Variants in SLC8A1 observed in about 807,000 individuals in gnomAD.
SLC8A1 encodes sodium/calcium exchanger 1.
SLC8A1 carries 18 observed loss-of-function variants against 68.3 expected under a neutral mutation model. That is an observed-to-expected ratio of 0.26 (90% confidence interval 0.18 to 0.39). The LOEUF is 0.39. Among genes scored for constraint, SLC8A1 ranks in the 10% least tolerant of loss-of-function variants. SLC8A1 has a pLI of 1.00. For synonymous variants in SLC8A1, 475 were observed against 415.5 expected (o/e 1.14, Z -1.74); for missense variants, 985 against 1,156.7 (o/e 0.85, Z 2.15).
intron 2 of SLC8A1, among the ~76,000 whole-genome samples, chr2:40,269,198 AT>A (rs2065726317): frequency 6.6e-6 from 1 of 152,214 alleles, no homozygotes; most frequent in South Asian, 2.1e-4. Context: ...TATTATAGAA[AT>A]TATAGGACTG....
chr2:40,290,757 AACTTTCTTCTCTTTATTTC>A (rs1388598526), intron 2 of SLC8A1, among the ~76,000 whole-genome samples: 1 of 152,150 alleles, frequency 6.6e-6, no homozygotes, highest in Non-Finnish European at 1.5e-5. Context: ...GAGTAATAAC[AACTTTCTTCTCTTTATTTC>A]TTAGATGTTT....
intron 2 of SLC8A1, among the ~76,000 whole-genome samples, 174 bp downstream of exon 3, chr2:40,178,213 C>T (rs937242369): frequency 6.6e-6 from 1 of 152,182 alleles, no homozygotes. Flanking sequence ...GCGCACCTAA[C>T]GCTGGCTGAT....
At chr2:40,126,260 T>A (rs1393706637) in intron 7 of SLC8A1, among the ~76,000 whole-genome samples, 2 of 152,152 alleles carry the variant, frequency 1.3e-5, no homozygotes, top group Non-Finnish European at 2.9e-5. Context: ...TATAAAAACA[T>A]ACTTTTAAAA....
At chr2:40,469,347 T>G (rs1389484791) in intron 1 of SLC8A1, among the ~76,000 whole-genome samples, 1 of 152,122 alleles carries the variant, frequency 6.6e-6, no homozygotes, top group Non-Finnish European at 1.5e-5. Context: ...AAAAAGTGTG[T>G]GGCACTTCCC....
At chr2:40,259,974 G>C (rs893018147) in intron 2 of SLC8A1, among the ~76,000 whole-genome samples, 1 of 152,124 alleles carries the variant, frequency 6.6e-6, no homozygotes, top group African/African-American at 2.4e-5. Context: ...AATTGTATGT[G>C]TTCTATGTCT....
chr2:40,212,751 T>A (rs1166861976), intron 2 of SLC8A1, among the ~76,000 whole-genome samples: 1 of 152,238 alleles, frequency 6.6e-6, no homozygotes, highest in African/African-American at 2.4e-5. Flanking sequence ...TCTTTTCTCT[T>A]TCTGCATCAA....
At chr2:40,431,668 T>C (rs2149792882) in intron 1 of SLC8A1, among the ~76,000 whole-genome samples, 1 of 152,168 alleles carries the variant, frequency 6.6e-6, no homozygotes, top group African/African-American at 2.4e-5. Context: ...AAAGCAGCAA[T>C]AGGAAGAAGC....
intron 6 of SLC8A1, among the ~76,000 whole-genome samples, chr2:40,151,621 G>C (rs2148380774): frequency 6.6e-6 from 1 of 152,170 alleles, no homozygotes; most frequent in South Asian, 2.1e-4. Context: ...CAGAAATAAA[G>C]GATGCTTTTA....
At chr2:40,173,792 T>C (rs2047969841) in intron 4 of SLC8A1, among the ~76,000 whole-genome samples, 1 of 152,212 alleles carries the variant, frequency 6.6e-6, no homozygotes. Flanking sequence ...CACATACTGA[T>C]ATAGAATGTA....
intron 2 of SLC8A1, among the ~76,000 whole-genome samples, chr2:40,192,635 A>G (rs926036864): frequency 3.9e-5 from 6 of 152,118 alleles, no homozygotes; most frequent in African/African-American, 1.4e-4. Context: ...ATACAGTTTT[A>G]CTTTTTGTAT....
At chr2:40,403,328 G>C (rs571038812) in intron 2 of SLC8A1, among the ~76,000 whole-genome samples, 42 of 152,274 alleles carry the variant, frequency 2.8e-4, no homozygotes, top group African/African-American at 7.2e-4. Flanking sequence ...AAATGCTCTC[G>C]TTTCATGGTT....
chr2:40,478,507 G>C (rs1704430520), intron 1 of SLC8A1, among the ~76,000 whole-genome samples: 1 of 152,158 alleles, frequency 6.6e-6, no homozygotes, highest in African/African-American at 2.4e-5. Flanking sequence ...GAGTTAGCTA[G>C]TCAAATGTGC....
At chr2:40,395,178 AC>A (rs758118067) in intron 2 of SLC8A1, among the ~76,000 whole-genome samples, 6 of 152,132 alleles carry the variant, frequency 3.9e-5, no homozygotes, top group Non-Finnish European at 5.9e-5. Flanking sequence ...AGAAACAAAA[AC>A]CTTTTGAGAA....
intron 2 of SLC8A1, among the ~76,000 whole-genome samples, chr2:40,382,209 C>G (rs376133737): frequency 5.9e-5 from 9 of 152,196 alleles, no homozygotes; most frequent in African/African-American, 1.9e-4. Context: ...AGCTTAATGA[C>G]CTGCCACAGA....
At chr2:40,342,663 GTGGATCCTTCTAATAA>G (rs1668070310) in intron 2 of SLC8A1, among the ~76,000 whole-genome samples, 1 of 152,102 alleles carries the variant, frequency 6.6e-6, no homozygotes, top group Non-Finnish European at 1.5e-5. Flanking sequence ...TATTTAAAAA[GTGGATCCTTCTAATAA>G]TTGGAATATA....
intron 1 of SLC8A1, among the ~76,000 whole-genome samples, chr2:40,480,341 A>G (rs1373664529): frequency 6.6e-6 from 1 of 152,162 alleles, no homozygotes; most frequent in African/African-American, 2.4e-5. Context: ...TTGGGAGATC[A>G]TGAGGGCTCT....
At chr2:40,450,664 T>C (rs1220469555) in intron 1 of SLC8A1, among the ~76,000 whole-genome samples, 2 of 152,176 alleles carry the variant, frequency 1.3e-5, no homozygotes, top group Non-Finnish European at 2.9e-5. Context: ...TTTTTTCTCT[T>C]TTTAGTCTTT....
chr2:40,186,189 T>TA (rs2148618871), intron 2 of SLC8A1, among the ~76,000 whole-genome samples: 1 of 152,314 alleles, frequency 6.6e-6, no homozygotes, highest in Non-Finnish European at 1.5e-5. Context: ...AGGAAATGAT[T>TA]ATAATCATAA....
intron 2 of SLC8A1, among the ~76,000 whole-genome samples, chr2:40,323,610 A>G (rs1000346988): frequency 1.3e-5 from 2 of 152,188 alleles, no homozygotes; most frequent in East Asian, 3.9e-4. Flanking sequence ...TGCAAAATTA[A>G]CAGAGTAGCA....
Sources: allele counts gnomAD v4.1 joint callset (sites outside exome capture counted in the v4.1 genomes callset), GRCh38; gene constraint gnomAD v4.1.1; transcripts MANE v1.5; gene names NCBI Gene and HGNC (gene_info 2026-07-23, HGNC 2026-07-21).